CSNK2A2IP: variants seen among roughly 807,000 people sequenced by gnomAD.
CSNK2A2IP encodes the protein casein kinase 2 subunit alpha' interacting protein.
the CSNK2A2IP span, among the ~76,000 whole-genome samples, chr3:88,392,526 G>A: frequency 1.4e-3 from 213 of 152,278 alleles, 1 homozygote; most frequent in South Asian, 0.02. Context: ...AAGAGAATAT[G>A]TGACATGAAA....
the CSNK2A2IP span, among the ~76,000 whole-genome samples, chr3:88,459,693 C>A: frequency 6.6e-6 from 1 of 151,986 alleles, no homozygotes; most frequent in Non-Finnish European, 1.5e-5. Context: ...TTTTTGCTTT[C>A]ATATGTTTGT....
the CSNK2A2IP span, among the ~76,000 whole-genome samples, chr3:88,400,127 G>T: frequency 3.3e-5 from 5 of 152,108 alleles, no homozygotes; most frequent in Admixed American, 3.3e-4. Context: ...TACTAGAGAA[G>T]TCTTGAGTGA....
the CSNK2A2IP span, among the ~76,000 whole-genome samples, chr3:88,384,761 G>T: frequency 2.0e-5 from 3 of 152,190 alleles, no homozygotes; most frequent in Non-Finnish European, 4.4e-5. Context: ...GGAAGATGTT[G>T]ATAGCTTAAC....
At chr3:88,428,246 T>A in the CSNK2A2IP span, among the ~76,000 whole-genome samples, 1 of 152,214 alleles carries the variant, frequency 6.6e-6, no homozygotes, top group African/African-American at 2.4e-5. Flanking sequence ...ATTTACCCAA[T>A]GCTTGTACCT....
At chr3:88,365,518 T>C in the CSNK2A2IP span, among the ~76,000 whole-genome samples, 1 of 152,302 alleles carries the variant, frequency 6.6e-6, no homozygotes, top group Non-Finnish European at 1.5e-5. Flanking sequence ...GTCCTCAGCC[T>C]GCCATCAGAA....
At chr3:88,364,159 G>A in the CSNK2A2IP span, among the ~76,000 whole-genome samples, 1 of 151,964 alleles carries the variant, frequency 6.6e-6, no homozygotes, top group Non-Finnish European at 1.5e-5. Flanking sequence ...TTCTCTCAGG[G>A]TAGTAAATAA....
At chr3:88,402,924 G>A in the CSNK2A2IP span, among the ~76,000 whole-genome samples, 1 of 151,932 alleles carries the variant, frequency 6.6e-6, no homozygotes, top group Admixed American at 6.6e-5. Context: ...AAATCTGAGT[G>A]GTGGGTACAA....
the CSNK2A2IP span, among the ~76,000 whole-genome samples, chr3:88,434,505 CTT>C: frequency 1.3e-5 from 2 of 152,042 alleles, no homozygotes; most frequent in Non-Finnish European, 2.9e-5. Flanking sequence ...AAATAGGAAA[CTT>C]AGCTAGAAAA....
At chr3:88,461,913 T>C in the CSNK2A2IP span, among the ~76,000 whole-genome samples, 3 of 151,854 alleles carry the variant, frequency 2.0e-5, no homozygotes, top group African/African-American at 7.3e-5. Flanking sequence ...GCTAATTTGT[T>C]TTTTTTGTAG....
At chr3:88,394,548 T>C in the CSNK2A2IP span, among the ~76,000 whole-genome samples, 88 of 152,214 alleles carry the variant, frequency 5.8e-4, no homozygotes, top group Non-Finnish European at 9.6e-4. Context: ...AATTTTTATA[T>C]TTTTTAGTAG....
chr3:88,460,909 G>T, the CSNK2A2IP span, among the ~76,000 whole-genome samples: 1 of 151,974 alleles, frequency 6.6e-6, no homozygotes, highest in Non-Finnish European at 1.5e-5. Context: ...CCAACAGGGC[G>T]AAATCCCATC....
the CSNK2A2IP span, among the ~76,000 whole-genome samples, chr3:88,413,859 A>G: frequency 6.6e-6 from 1 of 152,176 alleles, no homozygotes; most frequent in South Asian, 2.1e-4. Flanking sequence ...CCTACATGAA[A>G]AATGGTTAAT....
At chr3:88,379,040 A>G in the CSNK2A2IP span, among the ~76,000 whole-genome samples, 1 of 152,004 alleles carries the variant, frequency 6.6e-6, no homozygotes, top group African/African-American at 2.4e-5. Flanking sequence ...TAATTCATTT[A>G]TGTTTTGCTT....
the CSNK2A2IP span, among the ~76,000 whole-genome samples, chr3:88,454,312 A>G: frequency 6.7e-6 from 1 of 148,384 alleles, no homozygotes; most frequent in Non-Finnish European, 1.5e-5. Context: ...TTCTCTATAT[A>G]TGATTGATAC....
chr3:88,346,860 A>G, the CSNK2A2IP span, among the ~76,000 whole-genome samples: 5 of 151,808 alleles, frequency 3.3e-5, no homozygotes, highest in African/African-American at 1.2e-4. Flanking sequence ...TTGTGAGGCT[A>G]TAGCTGCCAT....
At chr3:88,440,783 G>C in the CSNK2A2IP span, among the ~76,000 whole-genome samples, 1 of 152,046 alleles carries the variant, frequency 6.6e-6, no homozygotes, top group Non-Finnish European at 1.5e-5. Context: ...CTGAATTTCA[G>C]AAGTCATCTA....
chr3:88,442,328 C>T, the CSNK2A2IP span, among the ~76,000 whole-genome samples: 7 of 152,138 alleles, frequency 4.6e-5, no homozygotes, highest in African/African-American at 1.7e-4. Context: ...GCACAAACCA[C>T]TGCGCCTAGC....
At chr3:88,447,448 T>A in the CSNK2A2IP span, among the ~76,000 whole-genome samples, 6 of 152,016 alleles carry the variant, frequency 3.9e-5, no homozygotes, top group Non-Finnish European at 8.8e-5. Flanking sequence ...TAAAAATAAT[T>A]CTAACTGTAG....
At chr3:88,376,833 C>T in the CSNK2A2IP span, among the ~76,000 whole-genome samples, 1 of 151,684 alleles carries the variant, frequency 6.6e-6, no homozygotes, top group African/African-American at 2.4e-5. Context: ...AGTTATTAAA[C>T]CCAATGACTT....
Sources: allele counts gnomAD v4.1 joint callset (sites outside exome capture counted in the v4.1 genomes callset), GRCh38; gene constraint gnomAD v4.1.1; transcripts MANE v1.5; gene names NCBI Gene and HGNC (gene_info 2026-07-23, HGNC 2026-07-21).